The following UGT1A5 variants were observed in gnomAD, a reference collection of about 807,000 sequenced individuals.
The protein encoded by UGT1A5 is UDP-glucuronosyltransferase 1A5.
In UGT1A5, 29 loss-of-function variants were observed where a neutral mutation model predicts 40.3. That is an observed-to-expected ratio of 0.72 (90% CI 0.54 to 0.98). The LOEUF (loss-of-function observed/expected upper bound fraction) is 0.98, where lower values mean the gene tolerates loss of function less well. UGT1A5 is among the 50% of genes least tolerant of loss of function. UGT1A5 has a pLI of 0.00. For missense variants in UGT1A5, 678 were observed against 677.9 expected (o/e 1.00, Z 0.00); for synonymous variants, 257 against 262.5 (o/e 0.98, Z 0.20).
In UGT1A5 at chr2:233,713,648, C is replaced by T. The variant is rs17863790; in HGVS notation, c.657C>T (p.Ala219=). The part of the protein sequence containing the change: ...QRVKNMLYPL[A]LSYLCHAVSA... ...TCAAGAACATGCTCTACCCTCTGGCCCTGTCCTACCTTTGCCATGCTGTTT... is the reference window on the plus strand; with the variant it reads ...TCAAGAACATGCTCTACCCTCTGGCTCTGTCCTACCTTTGCCATGCTGTTT... The change falls in exon 1 of 5, where the codon GCC becomes GCT. Residue 219 remains alanine (A), a synonymous_variant. Transcript: ENST00000373414. 0.098 allele frequency: 157,940 copies of T among 1,613,756 alleles called. 8,753 individuals carry two copies. The highest frequency in any genetic ancestry group is 0.2 in the South Asian group (17,771 of 91,042).
intron 1 of UGT1A5, chr2:233,719,291 T>C (rs2011404): frequency 0.85 from 1,366,998 of 1,613,952 alleles, 580,228 homozygotes; most frequent in East Asian, 0.99. Flanking sequence ...TTAACCTCTG[T>C]GGGGCGGTGC....
At chr2:233,729,001 C>T in intron 1 of UGT1A5, 3 of 1,564,662 alleles carry the variant, frequency 1.9e-6, no homozygotes, top group Non-Finnish European at 2.6e-6. Flanking sequence ...TAGAGGAGGG[C>T]ACTCTGTCTT....
intron 1 of UGT1A5, chr2:233,729,195 G>C: frequency 6.2e-7 from 1 of 1,614,030 alleles, no homozygotes; most frequent in Non-Finnish European, 8.5e-7. Context: ...TCAGTGTCCA[G>C]CCCTGGGCTG....
In UGT1A5 at chr2:233,769,436, T is replaced by TGTGGGTGCACACGTGTGCATTCATATGC; in HGVS notation, c.1307+1001_1307+1028dup. The TGTGGGTGCACACGTGTGCATTCATATGC allele has an allele frequency of 6.4e-7, 1 of 1,552,200 alleles. No individual in the cohort carries two copies. The highest frequency in any genetic ancestry group is 2.3e-5 in the East Asian group (1 of 44,346). ...GTTTGTGCATGTGGCTGTGCTCATG[T>TGTGGGTGCACACGTGTGCATTCATATGC]GTGGGTGCACACGTGTGCATTCATA... is the stretch of plus-strand genomic sequence containing the variant. On this transcript the variant is annotated intron_variant, in intron 4 of 4. Coordinates refer to ENST00000373414, the MANE Select transcript of UGT1A5 (RefSeq NM_019078.2). The surrounding 1 kb of genome is among the most constrained non-coding windows in gnomAD (Gnocchi z 4.4).
At chr2:233,727,744 G>A (rs1233532072) in intron 1 of UGT1A5, among the ~76,000 whole-genome samples, 5 of 152,112 alleles carry the variant, frequency 3.3e-5, no homozygotes, top group Admixed American at 6.5e-5. Flanking sequence ...GCCATCCTGC[G>A]TGTGCTGCCC....
intron 1 of UGT1A5, among the ~76,000 whole-genome samples, chr2:233,735,916 G>T (rs182665210): frequency 5.9e-5 from 9 of 152,142 alleles, no homozygotes; most frequent in Admixed American, 5.9e-4. Context: ...TGGGTAACCC[G>T]ACCTTTCTCT....
chr2:233,771,657 A>G (rs1277760780), intron 4 of UGT1A5: 1 of 152,474 alleles, frequency 6.6e-6, no homozygotes, highest in Non-Finnish European at 1.5e-5. Flanking sequence ...AATATAATGA[A>G]ATTTCTCACA....
chr2:233,734,413 C>G (rs1324994664), intron 1 of UGT1A5, among the ~76,000 whole-genome samples: 1 of 152,086 alleles, frequency 6.6e-6, no homozygotes, highest in Non-Finnish European at 1.5e-5. Flanking sequence ...ATTCTTCTCT[C>G]TTTTCTTCTT....
At position 233,718,924 on chromosome 2, in the gene UGT1A5, C is replaced by T. The variant is rs1174289899; in HGVS notation, c.867+5066C>T. The stretch of plus-strand genomic sequence containing the variant: ...GAGAGTGGAAAGGTGTTGGTGGTGC[C>T]CACTGATGGCAGCCCCTGGCTCAGC... On this transcript the variant is annotated intron_variant, in intron 1 of 4. Transcript: ENST00000373414. 2.5e-6 allele frequency: 4 copies of T among 1,613,938 alleles called. No homozygotes were observed. The Admixed American group carries it at 5.0e-5, about 20-fold the overall frequency.
In UGT1A5 at chr2:233,713,111, C is replaced by G; in HGVS notation, c.120C>G (p.His40Gln). 6.2e-7 allele frequency: 1 copy of G among 1,614,252 alleles called. No homozygotes were observed. Among genetic ancestry groups the G allele is most frequent in the Non-Finnish European group, 8.5e-7 (1 of 1,180,042 alleles). The part of the protein sequence containing the change: ...KVLVVPTDGS[H>Q]WLSMREALRD... ...TGGTGGTGCCCACTGATGGCAGCCA[C>G]TGGCTCAGCATGCGGGAGGCCTTGC... Residue 40 changes from histidine (H) to glutamine (Q), a missense_variant, in exon 1 of 5, where the codon CAC (histidine) becomes CAG (glutamine). Coordinates refer to ENST00000373414, the MANE Select transcript of UGT1A5 (RefSeq NM_019078.2).
chr2:233,758,687 A>T (rs1165998608), intron 1 of UGT1A5, among the ~76,000 whole-genome samples: 1 of 152,210 alleles, frequency 6.6e-6, no homozygotes, highest in Non-Finnish European at 1.5e-5. Flanking sequence ...CCCATAGGAC[A>T]CCAAAACTCT....
intron 1 of UGT1A5, among the ~76,000 whole-genome samples, chr2:233,757,306 A>AG (rs1394181032): frequency 1.3e-4 from 1 of 7,676 alleles, no homozygotes. Flanking sequence ...GTTGGGGGAC[A>AG]GGGGGGCTGG....
intron 1 of UGT1A5, among the ~76,000 whole-genome samples, chr2:233,724,153 T>C (rs1193924523): frequency 7.3e-3 from 371 of 51,008 alleles, no homozygotes; most frequent in Admixed American, 0.011. Flanking sequence ...GCTGGCCGGG[T>C]GGGGGGGCTG....
chr2:233,714,109 G>A (rs561415823), intron 1 of UGT1A5, among the ~76,000 whole-genome samples: 1 of 152,272 alleles, frequency 6.6e-6, no homozygotes, highest in East Asian at 1.9e-4. Flanking sequence ...AGAGTGGTGT[G>A]ACTCACGGAG....
At chr2:233,765,900 A>G (rs1255156851) in intron 1 of UGT1A5, among the ~76,000 whole-genome samples, 1 of 152,060 alleles carries the variant, frequency 6.6e-6, no homozygotes, top group Non-Finnish European at 1.5e-5. Flanking sequence ...GCCACTGCTC[A>G]AACCTCTAGG....
At chr2:233,718,637 T>A in intron 1 of UGT1A5, 1 of 1,451,650 alleles carries the variant, frequency 6.9e-7, no homozygotes, top group Non-Finnish European at 9.3e-7. Context: ...TTTCCCAGGG[T>A]TGGGCCCATA....
chr2:233,734,315 C>T (rs1041289451), intron 1 of UGT1A5, among the ~76,000 whole-genome samples: 4 of 151,932 alleles, frequency 2.6e-5, no homozygotes, highest in African/African-American at 4.8e-5. Flanking sequence ...TTTGTGTAGA[C>T]GTATTTATAG....
At chr2:233,729,213 A>G (rs760379481) in intron 1 of UGT1A5, 11 of 1,613,914 alleles carry the variant, frequency 6.8e-6, no homozygotes, top group Non-Finnish European at 8.5e-6. Context: ...CTGAGAGTGG[A>G]AAGGTGTTGG....
intron 1 of UGT1A5, chr2:233,743,331 T>G (rs1692262646): frequency 1.3e-6 from 1 of 770,826 alleles, no homozygotes; most frequent in South Asian, 1.4e-5. Context: ...CATCAACTAT[T>G]TCAGTGGAAG....
Sources: gnomAD v4.1 joint callset for allele counts (sites outside exome capture counted in the v4.1 genomes callset) on GRCh38, gnomAD v4.1.1 for gene constraint, Gnocchi (gnomAD v3.1) non-coding constraint, MANE v1.5 for transcripts, NCBI Gene and HGNC (gene_info 2026-07-23, HGNC 2026-07-21) for gene names.